The following NIBAN1 variants were observed in gnomAD, a reference collection of about 807,000 sequenced individuals.
NIBAN1 encodes the protein niban apoptosis regulator 1, also known as protein Niban 1.
NIBAN1 carries 81 observed loss-of-function variants against 75.1 expected under a neutral mutation model. The ratio of observed to expected loss-of-function variants is 1.08; its 90% CI spans 0.90 to 1.30. The LOEUF (loss-of-function observed/expected upper bound fraction) is 1.30, where lower values mean the gene tolerates loss of function less well. Ranked by LOEUF, NIBAN1 falls within the 50% of genes most tolerant of loss-of-function variation. The pLI is 0.00. For missense variants in NIBAN1, 1,133 were observed against 1,128.1 expected (o/e 1.00, Z -0.06); for synonymous variants, 436 against 424.8 (o/e 1.03, Z -0.32).
chr1:184,870,930 C>T (rs1050645558), intron 5 of NIBAN1, among the ~76,000 whole-genome samples: 8 of 152,228 alleles, frequency 5.3e-5, no homozygotes, highest in Admixed American at 2.0e-4. Context: ...TCTTGATTCC[C>T]CCAAATCTCA....
At chr1:184,827,957 T>G (rs1335559618) in intron 6 of NIBAN1, among the ~76,000 whole-genome samples, 4 of 150,174 alleles carry the variant, frequency 2.7e-5, no homozygotes, top group Non-Finnish European at 5.9e-5. Context: ...AGTTTTGTTT[T>G]TTGTTTTTTT....
chr1:184,869,285 G>T (rs1656037196), intron 5 of NIBAN1, among the ~76,000 whole-genome samples: 1 of 152,078 alleles, frequency 6.6e-6, no homozygotes, highest in South Asian at 2.1e-4. Context: ...CCTACACACG[G>T]TACAGCTTAC....
intron 6 of NIBAN1, among the ~76,000 whole-genome samples, chr1:184,828,117 A>G (rs1469162250): frequency 6.6e-6 from 1 of 152,152 alleles, no homozygotes; most frequent in African/African-American, 2.4e-5. Context: ...CATTTGATAT[A>G]TTTATATTGA....
chr1:184,903,061 A>T (rs867001208), intron 1 of NIBAN1, among the ~76,000 whole-genome samples: 1 of 152,240 alleles, frequency 6.6e-6, no homozygotes, highest in Non-Finnish European at 1.5e-5. Context: ...CGTTTTCAAG[A>T]TTCTTGAGCA....
At chr1:184,821,147 C>CT (rs1299256100) in intron 8 of NIBAN1, among the ~76,000 whole-genome samples, 4 of 152,154 alleles carry the variant, frequency 2.6e-5, no homozygotes, top group African/African-American at 9.7e-5. Context: ...ACGTTGTCTT[C>CT]TTTGAGTCAT....
At position 184,791,655 on chromosome 1, in the gene NIBAN1, T is replaced by A. The variant is rs1653698487; in HGVS notation, c.*3322A>T. 6.6e-6 allele frequency: 1 copy of A among 152,134 alleles called. No individual in the cohort carries two copies. The highest frequency in any genetic ancestry group is 1.5e-5 in the Non-Finnish European group (1 of 68,026). 9.4% of individuals were successfully genotyped at this position (152,134 alleles called of 1,614,324 possible). A position where few individuals can be genotyped will look rare whatever the true frequency, so the allele number is the denominator to read the frequency against. On this transcript the variant is annotated 3_prime_UTR_variant, in exon 14 of 14. Transcript: ENST00000367511. ...AAGAGCTAGTTTAAAGTCATGGAGTTTTTGCCAAAAACCATGTCTCGAGGT... is the reference window on the plus strand; with the variant it reads ...AAGAGCTAGTTTAAAGTCATGGAGTATTTGCCAAAAACCATGTCTCGAGGT...
chr1:184,934,797 A>T (rs1657912226), intron 1 of NIBAN1, among the ~76,000 whole-genome samples: 1 of 152,178 alleles, frequency 6.6e-6, no homozygotes, highest in Admixed American at 6.5e-5. Context: ...TAGGAGGCTG[A>T]GGCAGGAGAA....
intron 5 of NIBAN1, among the ~76,000 whole-genome samples, chr1:184,872,902 T>C (rs1403539910): frequency 6.6e-6 from 1 of 151,822 alleles, no homozygotes; most frequent in Non-Finnish European, 1.5e-5. Context: ...AAATAGGAAA[T>C]CTGTAGGTAA....
chr1:184,851,659 T>A (rs866122309), intron 5 of NIBAN1, among the ~76,000 whole-genome samples: 2 of 151,020 alleles, frequency 1.3e-5, no homozygotes, highest in African/African-American at 2.4e-5. Flanking sequence ...AAAAAAATTT[T>A]AAAAAGAACC....
chr1:184,898,571 G>T (rs906232499), intron 2 of NIBAN1, among the ~76,000 whole-genome samples: 1 of 152,178 alleles, frequency 6.6e-6, no homozygotes, highest in East Asian at 1.9e-4. Flanking sequence ...AGCCGCGATT[G>T]TATCACTGCA....
chr1:184,965,885 GA>G (rs979368602), intron 1 of NIBAN1, among the ~76,000 whole-genome samples: 1 of 152,198 alleles, frequency 6.6e-6, no homozygotes, highest in African/African-American at 2.4e-5. Flanking sequence ...AAATACAGGA[GA>G]AATGTGTGGA....
At chr1:184,957,945 G>A (rs1479055843) in intron 1 of NIBAN1, among the ~76,000 whole-genome samples, 1 of 152,166 alleles carries the variant, frequency 6.6e-6, no homozygotes, top group Non-Finnish European at 1.5e-5. Flanking sequence ...GCTTAAAGTG[G>A]CTGCAAAGGC....
intron 4 of NIBAN1, among the ~76,000 whole-genome samples, chr1:184,885,130 C>A (rs1182451242): frequency 6.6e-6 from 1 of 152,176 alleles, no homozygotes; most frequent in Non-Finnish European, 1.5e-5. Flanking sequence ...CTCACTGCAA[C>A]CTCCACCTCC....
At position 184,797,537 on chromosome 1, in the gene NIBAN1, G is replaced by C. The variant is rs141141578; in HGVS notation, c.1666+542C>G. On this transcript the variant is annotated intron_variant, in intron 13 of 13. Coordinates refer to ENST00000367511, the MANE Select transcript of NIBAN1 (RefSeq NM_052966.4). ...ATACTGGATGCCGGAGTCCCACCGA[G>C]ACTTGCGTGGCACTGCATCATCACC... 4.6e-4 allele frequency among the ~76,000 whole-genome samples: 70 copies of C among 152,070 alleles called. 1 individual carries two copies. In the East Asian group the frequency reaches 0.013, roughly 29 times the overall value.
intron 5 of NIBAN1, among the ~76,000 whole-genome samples, chr1:184,839,545 C>CTGTGTGTG (rs113049406): frequency 9.4e-5 from 14 of 148,634 alleles, no homozygotes; most frequent in African/African-American, 1.7e-4. Context: ...ACATGCATTC[C>CTGTGTGTG]TGTGTGTGTG....
At chr1:184,827,960 G>T (rs845621) in intron 6 of NIBAN1, among the ~76,000 whole-genome samples, 91,016 of 136,616 alleles carry the variant, frequency 0.67, 30,496 homozygotes, top group Middle Eastern at 0.76. Flanking sequence ...TTTGTTTTTT[G>T]TTTTTTTTTT....
At chr1:184,826,860 C>CG (rs879743053) in intron 6 of NIBAN1, among the ~76,000 whole-genome samples, 251 of 151,614 alleles carry the variant, frequency 1.7e-3, no homozygotes, top group Non-Finnish European at 2.7e-3. Flanking sequence ...TTACGAGTGG[C>CG]GGGGGGGTGA....
chr1:184,855,773 C>G (rs1303666552), intron 5 of NIBAN1, among the ~76,000 whole-genome samples: 2 of 152,104 alleles, frequency 1.3e-5, no homozygotes, highest in African/African-American at 2.4e-5. Flanking sequence ...ATTGCTGTAT[C>G]CTGAGAACCT....
chr1:184,803,155 T>C (rs1654090993), intron 12 of NIBAN1, among the ~76,000 whole-genome samples: 2 of 152,206 alleles, frequency 1.3e-5, no homozygotes, highest in Admixed American at 1.3e-4. Context: ...TTAGCTAATA[T>C]CTTTTTTGGA....
Sources: allele counts gnomAD v4.1 joint callset (sites outside exome capture counted in the v4.1 genomes callset), GRCh38; gene constraint gnomAD v4.1.1; transcripts MANE v1.5; gene names NCBI Gene and HGNC (gene_info 2026-07-23, HGNC 2026-07-21).